VIRMA: variants seen among roughly 807,000 people sequenced by gnomAD.
VIRMA encodes the protein vir like m6A methyltransferase associated.
A neutral mutation model predicts 182.4 loss-of-function variants in VIRMA; 65 were observed. That is an observed-to-expected ratio of 0.36 (90% confidence interval 0.29 to 0.44). The LOEUF (loss-of-function observed/expected upper bound fraction) is 0.44. Among genes scored for constraint, VIRMA ranks in the 20% least tolerant of loss-of-function variants. The pLI is 1.00. For missense variants in VIRMA, 1,752 were observed against 2,158.1 expected, an observed-to-expected ratio of 0.81 and a Z score of 3.73; for synonymous variants, 709 against 743.1, an observed-to-expected ratio of 0.95 and a Z score of 0.75.
chr8:94,527,014 T>C lies in VIRMA; in HGVS notation c.1230A>G (p.Leu410=), dbSNP rs1814995179. 6.2e-7 allele frequency: 1 copy of C among 1,614,190 alleles called. No individual in the cohort carries two copies. Among genetic ancestry groups the C allele is most frequent in the Non-Finnish European group, 8.5e-7 (1 of 1,180,012 alleles). The stretch of plus-strand genomic sequence containing the variant: ...GCAAATAGCTTAACCCTTTTATTAT[T>C]AAACTTGGAATTTCTTCTAAAGCTG... The part of the protein sequence containing the change: ...WVTALEEIPS[L]IIKGLSYLQL... The change falls in exon 8 of 24, where the codon TTA becomes TTG. Residue 410 remains leucine (L), a synonymous_variant. Coordinates refer to ENST00000297591, the MANE Select transcript of VIRMA (RefSeq NM_015496.5).
chr8:94,506,948 ATTTACT>A (rs1308898983), intron 15 of VIRMA, among the ~76,000 whole-genome samples: 3 of 152,108 alleles, frequency 2.0e-5, no homozygotes, highest in East Asian at 1.9e-4. Flanking sequence ...AAATATTTTG[ATTTACT>A]TTTACTTTAA....
intron 14 of VIRMA, 124 bp from the exon 15 acceptor site, chr8:94,510,064 G>T: frequency 1.2e-6 from 1 of 840,128 alleles, no homozygotes; most frequent in Non-Finnish European, 1.8e-6. Context: ...AATTCCTTGG[G>T]TATAATGACA....
At chr8:94,544,837 GCTTA>G (rs1815706414) in intron 1 of VIRMA, among the ~76,000 whole-genome samples, 1 of 152,016 alleles carries the variant, frequency 6.6e-6, no homozygotes, top group Non-Finnish European at 1.5e-5. Flanking sequence ...ACTTAGATCA[GCTTA>G]CTTTGTTAAA....
intron 5 of VIRMA, among the ~76,000 whole-genome samples, chr8:94,533,216 C>A (rs1453461140): frequency 1.0e-4 from 15 of 147,522 alleles, no homozygotes; most frequent in Admixed American, 1.0e-3. Flanking sequence ...AAAAAGAAAA[C>A]TGAAAGAGTA....
rs1554554701 is a variant in VIRMA, at chr8:94,511,593, C to T, written c.2982G>A (p.Gly994=). The change falls in exon 13 of 24, where the codon GGG becomes GGA. Residue 994 remains glycine, a synonymous_variant. Coordinates refer to ENST00000297591, the MANE Select transcript of VIRMA (RefSeq NM_015496.5). ...TQPWRLHVNM[G]TTLHRVTTIS... is the part of the protein sequence containing the mutation. ...TAGTAGTAACTCTGTGAAGGGTAGTCCCCATGTTGACATGGAGCCTCCAAG... is the reference window on the plus strand; with the variant it reads ...TAGTAGTAACTCTGTGAAGGGTAGTTCCCATGTTGACATGGAGCCTCCAAG... 2 of 1,614,120 alleles carry T rather than the reference C, an allele frequency of 1.2e-6. No individual in the cohort carries two copies. The highest frequency in any genetic ancestry group is 2.2e-5 in the South Asian group (2 of 91,070).
At position 94,526,671 on chromosome 8, in the gene VIRMA, GCCTA is replaced by G; in HGVS notation, c.1569_1572del (p.Gln525MetfsTer15). ...TTTTGATAACCACTTTTTTCATTCT[GCCTA>G]CCTCTTAAAAAAGCTTCCATTCCTT... On this transcript the variant is annotated frameshift_variant, in exon 8 of 24. Coordinates refer to ENST00000297591, the MANE Select transcript of VIRMA (RefSeq NM_015496.5). LOFTEE classifies it high-confidence loss of function. The G allele has an allele frequency of 1.2e-6, 2 of 1,613,738 alleles. No individual in the cohort carries two copies. The highest frequency in any genetic ancestry group is 1.7e-6 in the Non-Finnish European group (2 of 1,179,934).
chr8:94,529,154 C>T lies in VIRMA; in HGVS notation c.796G>A (p.Asp266Asn). ...ATACTGTCTACTGTTCGTCGATCAT[C>T]CTCATCCTCATCCTCTTCTTCCTCT... is the stretch of plus-strand genomic sequence containing the variant. The part of the protein sequence containing the change: ...DVEEEEDEDE[D>N]DRRTVDSIPE... The change falls in exon 7 of 24, where the codon GAT (aspartate) becomes AAT (asparagine). Residue 266 changes from aspartate (D) to asparagine (N), a missense_variant. By Grantham distance (23) the Asp-to-Asn change is conservative. Transcript: ENST00000297591. 2.2e-6 allele frequency: 3 copies of T among 1,387,038 alleles called. No homozygotes were observed. The highest frequency in any genetic ancestry group is 2.1e-6 in the Non-Finnish European group (2 of 974,244). 85.9% of individuals were successfully genotyped at this position (1,387,038 alleles called of 1,614,324 possible). A position where few individuals can be genotyped will look rare whatever the true frequency, so the allele number is the denominator to read the frequency against.
At chr8:94,529,696 G>A (rs1200550749) in intron 6 of VIRMA, among the ~76,000 whole-genome samples, 13 of 151,878 alleles carry the variant, frequency 8.6e-5, no homozygotes, top group Non-Finnish European at 1.5e-5. Flanking sequence ...CTGGAGTGCA[G>A]TGGCATGATC....
intron 16 of VIRMA, among the ~76,000 whole-genome samples, chr8:94,503,565 T>C (rs942546977): frequency 2.0e-5 from 3 of 152,178 alleles, no homozygotes; most frequent in Non-Finnish European, 2.9e-5. Flanking sequence ...CAATGCAATG[T>C]AAGATCTTAC....
intron 9 of VIRMA, among the ~76,000 whole-genome samples, chr8:94,518,736 C>G (rs1270363808): frequency 6.6e-6 from 1 of 152,198 alleles, no homozygotes; most frequent in East Asian, 1.9e-4. Context: ...GCAGGGGGTA[C>G]TACAGTTGCA....
chr8:94,526,176 T>C, intron 8 of VIRMA, 47 bp downstream of exon 8: 1 of 1,424,974 alleles, frequency 7.0e-7, no homozygotes, highest in Non-Finnish European at 9.5e-7. Flanking sequence ...TAAAATTGTC[T>C]CCAATGATTT....
intron 1 of VIRMA, 95 bp downstream of exon 1, chr8:94,553,290 C>T: frequency 8.2e-7 from 1 of 1,220,204 alleles, no homozygotes; most frequent in Non-Finnish European, 1.2e-6. Context: ...ATTAAAGAAG[C>T]AATCTGCAGA....
chr8:94,548,266 T>G (rs1165551249), intron 1 of VIRMA, among the ~76,000 whole-genome samples: 1 of 150,576 alleles, frequency 6.6e-6, no homozygotes, highest in Non-Finnish European at 1.5e-5. Context: ...ATTATATAGG[T>G]GTATTACTTC....
At chr8:94,503,164 A>C (rs1402955269) in intron 16 of VIRMA, among the ~76,000 whole-genome samples, 4 of 152,328 alleles carry the variant, frequency 2.6e-5, no homozygotes, top group African/African-American at 9.6e-5. Context: ...ATCTACACTG[A>C]CAGATACTAA....
intron 15 of VIRMA, 23 bp downstream of exon 15, chr8:94,509,665 C>A (rs1814293257): frequency 1.9e-6 from 3 of 1,593,232 alleles, no homozygotes; most frequent in Non-Finnish European, 2.6e-6. Flanking sequence ...CAGAGAGAGA[C>A]TTTATAAAAT....
At chr8:94,492,028 A>G (rs1268751921) in intron 21 of VIRMA, 119 bp from the exon 22 acceptor site, 12 of 698,800 alleles carry the variant, frequency 1.7e-5, no homozygotes, top group Non-Finnish European at 2.7e-5. Context: ...CTAACTTTGC[A>G]AGTATCTATC....
At chr8:94,499,665 A>G (rs1813899382) in intron 16 of VIRMA, among the ~76,000 whole-genome samples, 159 bp from the exon 17 acceptor site, 1 of 152,186 alleles carries the variant, frequency 6.6e-6, no homozygotes, top group South Asian at 2.1e-4. Context: ...AAATATAACA[A>G]AGAACCGTCA....
At position 94,519,305 on chromosome 8, in the gene VIRMA, C is replaced by T; in HGVS notation, c.2193G>A (p.Leu731=). ...CATAAAAGTGACACAGAGCTCGGAT[C>T]AATAAATTTGTTGCTTCATATTCCG... The part of the protein sequence containing the change: ...FMSEYEATNL[L]IRALCHFYDQ... Residue 731 remains leucine (L), a synonymous_variant, in exon 9 of 24, where the codon TTG becomes TTA. Transcript: ENST00000297591. 1 of 1,613,032 alleles carries T rather than the reference C, an allele frequency of 6.2e-7. No homozygotes were observed. Among genetic ancestry groups the T allele is most frequent in the Non-Finnish European group, 8.5e-7 (1 of 1,179,776 alleles).
intron 13 of VIRMA, 84 bp from the exon 14 acceptor site, chr8:94,510,736 T>C: frequency 9.7e-7 from 1 of 1,029,798 alleles, no homozygotes; most frequent in South Asian, 1.5e-5. Context: ...AGAAATGTTA[T>C]GAAAAGAACA....
Sources: gnomAD v4.1 joint callset for allele counts (sites outside exome capture counted in the v4.1 genomes callset) on GRCh38, gnomAD v4.1.1 for gene constraint, MANE v1.5 for transcripts, NCBI Gene and HGNC (gene_info 2026-07-23, HGNC 2026-07-21) for gene names.